EGFLAM: variants seen among roughly 807,000 people sequenced by gnomAD.
EGFLAM encodes the protein pikachurin.
EGFLAM carries 79 observed loss-of-function variants against 113.1 expected under a neutral mutation model. The ratio of observed to expected loss-of-function variants is 0.70; its 90% confidence interval spans 0.58 to 0.84. The LOEUF (loss-of-function observed/expected upper bound fraction) is 0.84. Ranked by LOEUF, EGFLAM falls within the 40% of genes least tolerant of loss-of-function variation. The pLI is 0.00. For missense variants in EGFLAM, 1,265 were observed against 1,291.6 expected (o/e 0.98, Z 0.32); for synonymous variants, 504 against 487.6 (o/e 1.03, Z -0.44).
intron 1 of EGFLAM, among the ~76,000 whole-genome samples, chr5:38,313,070 G>C (rs1031686201): frequency 6.6e-6 from 1 of 152,030 alleles, no homozygotes; most frequent in Non-Finnish European, 1.5e-5. Flanking sequence ...CCTGGGTGAT[G>C]GATGGAGCAA....
Position 38,463,988 on chromosome 5 carries a change from A to G in EGFLAM, c.*2A>G. Reference sequence around the variant, plus strand: ...ATCAACACTTGTGGAGCCAAGTAACACCAGCTGGCCTTGTCCAAGGGACAG... The same window carrying G: ...ATCAACACTTGTGGAGCCAAGTAACGCCAGCTGGCCTTGTCCAAGGGACAG... On this transcript the variant is annotated 3_prime_UTR_variant, in exon 22 of 22. Coordinates refer to ENST00000322350, the MANE Select transcript of EGFLAM (RefSeq NM_152403.4). 1 of 1,614,216 alleles carries G rather than the reference A, an allele frequency of 6.2e-7. No homozygotes were observed. The highest frequency in any genetic ancestry group is 8.5e-7 in the Non-Finnish European group (1 of 1,180,040).
rs1005772745 is a variant in EGFLAM at position 38,260,877 on chromosome 5, G to A, written c.97+2026G>A. On this transcript the variant is annotated intron_variant, in intron 1 of 21. Transcript: ENST00000322350. ...TGAATGTGCCCTGCTTGGCTCTGATGTGAGCAGCAACTAGCTAATTTATAA... is the reference window on the plus strand; with the variant it reads ...TGAATGTGCCCTGCTTGGCTCTGATATGAGCAGCAACTAGCTAATTTATAA... Among the ~76,000 whole-genome samples the A allele has an allele frequency of 3.9e-5, 6 of 152,296 alleles. No homozygotes were observed. The South Asian group carries it at 8.3e-4, about 21-fold the overall frequency.
chr5:38,425,289 T>C (rs1741964891), intron 13 of EGFLAM, among the ~76,000 whole-genome samples, 197 bp downstream of exon 13: 1 of 152,144 alleles, frequency 6.6e-6, no homozygotes, highest in South Asian at 2.1e-4. Flanking sequence ...GTGATTCTCT[T>C]CTGCCTCAGC....
intron 5 of EGFLAM, among the ~76,000 whole-genome samples, chr5:38,358,612 A>G (rs1739830991): frequency 6.6e-6 from 1 of 151,976 alleles, no homozygotes; most frequent in Non-Finnish European, 1.5e-5. Flanking sequence ...TCTTCATCCA[A>G]CTTCTATTAC....
chr5:38,304,325 C>G (rs1758671227), intron 1 of EGFLAM, among the ~76,000 whole-genome samples: 1 of 152,158 alleles, frequency 6.6e-6, no homozygotes, highest in African/African-American at 2.4e-5. Flanking sequence ...TTCCATATCT[C>G]TTTCCAATGT....
At chr5:38,406,704 C>A in intron 7 of EGFLAM, 124 bp from the exon 8 acceptor site, 1 of 846,544 alleles carries the variant, frequency 1.2e-6, no homozygotes, top group Non-Finnish European at 1.8e-6. Context: ...CTGTCTTCCC[C>A]ATCTCCATCC....
At chr5:38,359,940 A>G (rs975523408) in intron 5 of EGFLAM, among the ~76,000 whole-genome samples, 8 of 152,206 alleles carry the variant, frequency 5.3e-5, no homozygotes, top group African/African-American at 1.9e-4. Flanking sequence ...TTCTAGGTGG[A>G]CTGCAGTACC....
intron 17 of EGFLAM, among the ~76,000 whole-genome samples, chr5:38,440,421 G>T (rs1032055336): frequency 7.9e-5 from 12 of 152,218 alleles, no homozygotes; most frequent in African/African-American, 2.9e-4. Context: ...AATTTTTCCA[G>T]CTCCAGCAGG....
intron 1 of EGFLAM, among the ~76,000 whole-genome samples, chr5:38,284,448 T>C (rs1435282446): frequency 6.6e-6 from 1 of 152,252 alleles, no homozygotes; most frequent in Non-Finnish European, 1.5e-5. Flanking sequence ...TGAATAAATG[T>C]GCATGATTGC....
intron 6 of EGFLAM, among the ~76,000 whole-genome samples, chr5:38,387,020 C>T (rs527537982): frequency 6.6e-6 from 1 of 152,186 alleles, no homozygotes; most frequent in African/African-American, 2.4e-5. Flanking sequence ...TTTCACATCA[C>T]GGTGACTTTG....
chr5:38,385,416 A>G (rs1257754969), intron 6 of EGFLAM, among the ~76,000 whole-genome samples: 2 of 152,070 alleles, frequency 1.3e-5, no homozygotes, highest in Admixed American at 6.5e-5. Context: ...TCTCTAGATT[A>G]CTTATAATAC....
intron 9 of EGFLAM, among the ~76,000 whole-genome samples, chr5:38,408,344 G>A (rs766346493): frequency 3.9e-5 from 6 of 152,308 alleles, no homozygotes; most frequent in South Asian, 2.1e-4. Context: ...GCCTTGCTTC[G>A]TGAGGGCCCA....
At chr5:38,361,908 A>AT (rs1217262933) in intron 5 of EGFLAM, among the ~76,000 whole-genome samples, 21 of 98,988 alleles carry the variant, frequency 2.1e-4, no homozygotes, top group South Asian at 1.1e-3. Flanking sequence ...AGGATTTTTG[A>AT]TTTTTTTTTT....
intron 1 of EGFLAM, among the ~76,000 whole-genome samples, chr5:38,312,264 C>T (rs550688244): frequency 2.1e-5 from 3 of 145,084 alleles, no homozygotes; most frequent in East Asian, 4.0e-4. Flanking sequence ...TTTTTTGAGA[C>T]AGAGTCTCGC....
Position 38,431,155 on chromosome 5 carries a change from A to C in EGFLAM, c.2055-22A>C, listed in dbSNP as rs769191804. ...CTAATCAACTCGATACATAAAAATA[A>C]TATCACATCTTCCTTCCACAGGAGT... On this transcript the variant is annotated intron_variant, in intron 14 of 21. Transcript: ENST00000322350. 1.2e-5 allele frequency: 20 copies of C among 1,607,208 alleles called. No homozygotes were observed. The South Asian group carries it at 2.1e-4, about 17-fold the overall frequency.
At chr5:38,404,011 A>G in intron 6 of EGFLAM, 1 of 1,584,716 alleles carries the variant, frequency 6.3e-7, no homozygotes, top group Non-Finnish European at 8.6e-7. Context: ...TCCCACCTCC[A>G]CCAAGAAGTG....
chr5:38,300,189 G>A (rs62353570), intron 1 of EGFLAM, among the ~76,000 whole-genome samples: 28,299 of 152,116 alleles, frequency 0.19, 3,149 homozygotes, highest in African/African-American at 0.3. Context: ...AAGTCCCGAG[G>A]TGGGGGTGTG....
At chr5:38,435,806 C>CTTTTTTTT (rs60461690) in intron 16 of EGFLAM, among the ~76,000 whole-genome samples, 61 of 88,920 alleles carry the variant, frequency 6.9e-4, no homozygotes, top group African/African-American at 2.7e-3. Context: ...CCGGCTCTCT[C>CTTTTTTTT]TTTTTTTTTT....
intron 5 of EGFLAM, among the ~76,000 whole-genome samples, chr5:38,359,200 C>A (rs1332260804): frequency 6.6e-6 from 1 of 152,156 alleles, no homozygotes; most frequent in Non-Finnish European, 1.5e-5. Context: ...AAGTTCCAAT[C>A]GGGGTGCCAT....
Sources: gnomAD v4.1 joint callset for allele counts (sites outside exome capture counted in the v4.1 genomes callset) on GRCh38, gnomAD v4.1.1 for gene constraint, MANE v1.5 for transcripts, NCBI Gene and HGNC (gene_info 2026-07-23, HGNC 2026-07-21) for gene names.